ASB11: variants seen among roughly 807,000 people sequenced by gnomAD.
ASB11 encodes the protein ankyrin repeat and SOCS box containing 11, also known as ankyrin repeat and SOCS box protein 11.
In ASB11, 17 loss-of-function variants were observed where a neutral mutation model predicts 20.1. The ratio of observed to expected loss-of-function variants is 0.85; its 90% CI spans 0.58 to 1.27. ASB11 has a LOEUF of 1.27. Ranked by LOEUF, ASB11 falls within the 50% of genes most tolerant of loss-of-function variation. The pLI is 0.00. For synonymous variants in ASB11, 107 were observed against 105.6 expected (o/e 1.01, Z -0.08); for missense variants, 259 against 256.9 (o/e 1.01, Z -0.06).
At chrX:15,312,619 A>T (rs1921476320) in intron 1 of ASB11, among the ~76,000 whole-genome samples, 1 of 111,046 alleles carries the variant, frequency 9.0e-6, no homozygotes, top group South Asian at 3.7e-4. Context: ...AGTTTACAGG[A>T]ATAGCATATG....
At chrX:15,312,397 A>G (rs191458377) in intron 1 of ASB11, among the ~76,000 whole-genome samples, 50 of 29,757 alleles carry the variant, frequency 1.7e-3, no homozygotes, top group Admixed American at 0.016. Context: ...TATGAAATCC[A>G]CCCCCACCCG....
At chrX:15,287,759 A>C in intron 6 of ASB11, 122 bp downstream of exon 6, 11 of 846,259 alleles carry the variant, frequency 1.3e-5, no homozygotes, top group Non-Finnish European at 1.8e-5. Flanking sequence ...AGGGCCTATC[A>C]CCTCCCACAA....
intron 6 of ASB11, among the ~76,000 whole-genome samples, chrX:15,287,101 G>A (rs993997726): frequency 1.8e-5 from 2 of 111,696 alleles, no homozygotes; most frequent in Non-Finnish European, 3.8e-5. Context: ...AATGAAGAAT[G>A]CAGACCCACC....
intron 4 of ASB11, among the ~76,000 whole-genome samples, chrX:15,292,615 C>G (rs776424749): frequency 8.9e-6 from 1 of 112,221 alleles, no homozygotes; most frequent in Non-Finnish European, 1.9e-5. Context: ...AAAGTTGCAG[C>G]CTTTTCTTTT....
chrX:15,289,680 T>C, intron 4 of ASB11, 42 bp from the exon 5 acceptor site: 2 of 1,174,693 alleles, frequency 1.7e-6, no homozygotes, highest in Middle Eastern at 2.4e-4. Flanking sequence ...AAGGGACATA[T>C]TAAATATTAA....
In ASB11 at chrX:15,284,061, G is replaced by A. The variant is rs1333827199; in HGVS notation, c.848-432C>T. Among the ~76,000 whole-genome samples, 5 of 107,472 alleles carry A rather than the reference G, an allele frequency of 4.7e-5. No individual in the cohort carries two copies. In the East Asian group the frequency reaches 1.5e-3, roughly 32 times the overall value. 93.3% of individuals were successfully genotyped at this position (107,472 alleles called of 115,157 possible). A position where few individuals can be genotyped will look rare whatever the true frequency, so the allele number is the denominator to read the frequency against. ...AGGTCAGGAGATGGAGACCATCCTGGCTAACACGGTGAAACCCCGTGTCCA... is the reference window on the plus strand; with the variant it reads ...AGGTCAGGAGATGGAGACCATCCTGACTAACACGGTGAAACCCCGTGTCCA... On this transcript the variant is annotated intron_variant, in intron 6 of 6. Transcript: ENST00000480796.
At chrX:15,293,952 C>T (rs1354018466) in intron 3 of ASB11, among the ~76,000 whole-genome samples, 2 of 109,485 alleles carry the variant, frequency 1.8e-5, no homozygotes, top group African/African-American at 6.7e-5. Context: ...TGCAGCACAC[C>T]AACATGGCAC....
chrX:15,301,558 G>C (rs1921070397), intron 2 of ASB11, among the ~76,000 whole-genome samples: 1 of 111,518 alleles, frequency 9.0e-6, no homozygotes, highest in Non-Finnish European at 1.9e-5. Context: ...AAAAGAGAGA[G>C]AGAGAGCAGT....
chrX:15,297,922 ATAT>A (rs1312008402), intron 2 of ASB11, among the ~76,000 whole-genome samples: 20 of 112,425 alleles, frequency 1.8e-4, no homozygotes, highest in African/African-American at 6.5e-4. Flanking sequence ...TGTGGGTGTA[ATAT>A]TAGTACCATA....
intron 3 of ASB11, among the ~76,000 whole-genome samples, chrX:15,293,946 G>A (rs1385222483): frequency 3.6e-5 from 4 of 109,890 alleles, no homozygotes; most frequent in Non-Finnish European, 7.6e-5. Context: ...AATGGGTGCA[G>A]CACACCAACA....
chrX:15,309,141 T>C (rs771140251), intron 1 of ASB11, among the ~76,000 whole-genome samples: 1 of 111,048 alleles, frequency 9.0e-6, no homozygotes, highest in East Asian at 2.8e-4. Context: ...GGTCTTGAAC[T>C]CCTGACCTCA....
At chrX:15,289,422 C>G (rs1272142899) in intron 5 of ASB11, 82 bp downstream of exon 5, 4 of 1,013,363 alleles carry the variant, frequency 3.9e-6, no homozygotes. Context: ...ATTTTTCAAC[C>G]ATGACAAGAA....
chrX:15,308,008 G>A (rs1294528397), intron 1 of ASB11, among the ~76,000 whole-genome samples: 1 of 111,981 alleles, frequency 8.9e-6, no homozygotes, highest in Non-Finnish European at 1.9e-5. Flanking sequence ...CCCAGCAGCT[G>A]GAGACAGAAG....
intron 2 of ASB11, among the ~76,000 whole-genome samples, chrX:15,298,406 C>T (rs1920988552): frequency 9.0e-6 from 1 of 110,887 alleles, no homozygotes; most frequent in Non-Finnish European, 1.9e-5. Context: ...AGAAAGAACC[C>T]ACAGAAAGTA....
chrX:15,287,573 C>T (rs1264713971), intron 6 of ASB11, among the ~76,000 whole-genome samples: 4 of 112,856 alleles, frequency 3.5e-5, no homozygotes, highest in Admixed American at 9.4e-5. Context: ...GATCCACCCG[C>T]CTCAGCCTCC....
rs369954787 is a variant in ASB11, at chrX:15,295,990, C to T, written c.369+1584G>A. Among the ~76,000 whole-genome samples, 16 of 112,177 alleles carry T rather than the reference C, an allele frequency of 1.4e-4. No homozygotes were observed. The South Asian group carries it at 5.9e-3, about 41-fold the overall frequency. On this transcript the variant is annotated intron_variant, in intron 3 of 6. Coordinates refer to ENST00000480796, the MANE Select transcript of ASB11 (RefSeq NM_080873.3). ...GGCACGGTGGCTCACGCCTGTAATC[C>T]CAGCACTTTGGGAGGCCAAGGCGGG...
intron 1 of ASB11, among the ~76,000 whole-genome samples, 192 bp downstream of exon 1, chrX:15,315,233 G>T (rs1462557546): frequency 8.9e-6 from 1 of 111,798 alleles, no homozygotes; most frequent in Non-Finnish European, 1.9e-5. Flanking sequence ...CTACGAACTT[G>T]CAAAAAATAA....
chrX:15,310,438 G>A, intron 1 of ASB11, among the ~76,000 whole-genome samples: 1 of 112,076 alleles, frequency 8.9e-6, no homozygotes, highest in Non-Finnish European at 1.9e-5. Context: ...TATTCCTGAT[G>A]AGGTGTACGG....
chrX:15,289,594 T>C lies in ASB11; in HGVS notation c.565A>G (p.Ile189Val), dbSNP rs1264305804. 1.7e-6 allele frequency: 2 copies of C among 1,210,704 alleles called. No individual in the cohort carries two copies. The highest frequency in any genetic ancestry group is 1.1e-6 in the Non-Finnish European group (1 of 894,463). The change falls in exon 5 of 7, where the codon ATT becomes GTT. Residue 189 changes from isoleucine (I) to valine (V), a missense_variant. Transcript: ENST00000480796. The stretch of plus-strand genomic sequence containing the variant: ...CCGAGCTGAGGCACCTCATGGTCAA[T>C]GTTAACATTATTTGCCAGCAGGATC... Reference protein sequence around the residue: ...MEILLANNVNIDHEVPQLGTP... With the variant: ...MEILLANNVNVDHEVPQLGTP...
Sources: allele counts gnomAD v4.1 joint callset (sites outside exome capture counted in the v4.1 genomes callset), GRCh38; gene constraint gnomAD v4.1.1; transcripts MANE v1.5; gene names NCBI Gene and HGNC (gene_info 2026-07-23, HGNC 2026-07-21).